JAM3: variants seen among roughly 807,000 people sequenced by gnomAD.
The protein encoded by JAM3 is junctional adhesion molecule C.
A neutral mutation model predicts 39.4 loss-of-function variants in JAM3; 31 were observed. The observed-to-expected ratio is 0.79, with a 90% CI of 0.59 to 1.06. The LOEUF is 1.06. Ranked by LOEUF, JAM3 falls within the 50% of genes least tolerant of loss-of-function variation. The pLI is 0.00. For synonymous variants in JAM3, 182 were observed against 148.7 expected (o/e 1.22, Z -1.63); for missense variants, 455 against 391.4 (o/e 1.16, Z -1.37).
intron 1 of JAM3, among the ~76,000 whole-genome samples, chr11:134,095,786 C>T (rs1399936989): frequency 1.3e-5 from 2 of 152,122 alleles, no homozygotes; most frequent in African/African-American, 2.4e-5. Context: ...ACTTTTTCGC[C>T]ATCTTAGGAA....
intron 1 of JAM3, among the ~76,000 whole-genome samples, chr11:134,083,235 TGG>T (rs1353178037): frequency 6.6e-6 from 1 of 152,220 alleles, no homozygotes; most frequent in Non-Finnish European, 1.5e-5. Context: ...TGAGATGAAT[TGG>T]GTGGAATTCC....
chr11:134,127,769 G>A (rs1942678859), intron 1 of JAM3, among the ~76,000 whole-genome samples: 1 of 152,180 alleles, frequency 6.6e-6, no homozygotes, highest in African/African-American at 2.4e-5. Flanking sequence ...TAACAAGTAG[G>A]CACAACAGAG....
intron 1 of JAM3, among the ~76,000 whole-genome samples, chr11:134,081,541 G>A (rs753860934): frequency 8.5e-5 from 13 of 152,330 alleles, no homozygotes; most frequent in Admixed American, 2.0e-4. Flanking sequence ...CAGCTTCCAC[G>A]TGGTGTTGAG....
intron 1 of JAM3, among the ~76,000 whole-genome samples, chr11:134,086,500 A>G (rs1941747628): frequency 6.6e-6 from 1 of 152,132 alleles, no homozygotes; most frequent in African/African-American, 2.4e-5. Context: ...AAAGTGGTTC[A>G]GTGATATTTG....
chr11:134,074,864 C>T (rs981223475), intron 1 of JAM3, among the ~76,000 whole-genome samples: 2 of 152,114 alleles, frequency 1.3e-5, no homozygotes, highest in African/African-American at 4.8e-5. Flanking sequence ...CCCATCACTT[C>T]TTCCTGCCCA....
At position 134,151,095 on chromosome 11, in the gene JAM3, G is replaced by GTAA; in HGVS notation, c.*1914_*1915insTAA. On this transcript the variant is annotated 3_prime_UTR_variant, in exon 9 of 9. Transcript: ENST00000299106. ...AAGTGCTGTAAAGCAAGGAGCTGCT[G>GTAA]AGAAGGAGCACTCCACTGTGTGCCT... 1 of 152,414 alleles carries GTAA rather than the reference G, an allele frequency of 6.6e-6. No homozygotes were observed. Among genetic ancestry groups the GTAA allele is most frequent in the East Asian group, 1.9e-4 (1 of 5,192 alleles). The allele number at this position is 152,414 out of a possible 1,614,324, so 9.4% of individuals were successfully genotyped here.
intron 1 of JAM3, among the ~76,000 whole-genome samples, chr11:134,069,864 A>G (rs1447670553): frequency 2.0e-5 from 3 of 152,246 alleles, no homozygotes; most frequent in African/African-American, 7.2e-5. Flanking sequence ...TTTTACAGAA[A>G]TAAAATGGAT....
intron 1 of JAM3, among the ~76,000 whole-genome samples, chr11:134,136,216 CCTCA>C (rs1942863442): frequency 6.6e-6 from 1 of 152,182 alleles, no homozygotes; most frequent in East Asian, 1.9e-4. Flanking sequence ...AAAACCCTTT[CCTCA>C]CTCTTAAATA....
intron 1 of JAM3, among the ~76,000 whole-genome samples, chr11:134,103,838 A>G (rs1317430108): frequency 6.6e-6 from 1 of 152,220 alleles, no homozygotes; most frequent in African/African-American, 2.4e-5. Flanking sequence ...CACTCAATAC[A>G]GGAGCACCCA....
In JAM3 at chr11:134,148,656, CAAT is replaced by C; in HGVS notation, c.825_827del (p.Asn275del). 4 of 1,614,040 alleles carry C rather than the reference CAAT, an allele frequency of 2.5e-6. No homozygotes were observed. The highest frequency in any genetic ancestry group is 3.4e-6 in the Non-Finnish European group (4 of 1,180,024). The stretch of plus-strand genomic sequence containing the variant: ...CATACAGACGTGGCTACTTCATCAA[CAAT>C]AAACAGGATGGAGAAAGGTGAGCCT... On this transcript the variant is annotated inframe_deletion, in exon 7 of 9. Coordinates refer to ENST00000299106, the MANE Select transcript of JAM3 (RefSeq NM_032801.5).
intron 1 of JAM3, chr11:134,123,853 C>G: frequency 1.2e-6 from 1 of 813,460 alleles, no homozygotes; most frequent in Non-Finnish European, 2.2e-6. Flanking sequence ...CCGTTGGTAT[C>G]TCTGAAGCGT....
intron 1 of JAM3, among the ~76,000 whole-genome samples, chr11:134,088,930 C>T (rs1218331082): frequency 6.6e-6 from 1 of 152,194 alleles, no homozygotes; most frequent in African/African-American, 2.4e-5. Context: ...GCTGGGACTA[C>T]AGGCACTTGC....
At chr11:134,088,133 G>C (rs1056567032) in intron 1 of JAM3, among the ~76,000 whole-genome samples, 8 of 152,154 alleles carry the variant, frequency 5.3e-5, no homozygotes, top group African/African-American at 1.7e-4. Context: ...CTGGGACCAG[G>C]ACTAGAACTC....
intron 1 of JAM3, among the ~76,000 whole-genome samples, chr11:134,125,166 C>A (rs561217330): frequency 1.7e-3 from 254 of 152,328 alleles, no homozygotes; most frequent in African/African-American, 5.8e-3. Context: ...ACAGCCCGGC[C>A]GATCGTGCCG....
chr11:134,143,085 G>GT (rs1194698581), intron 3 of JAM3, among the ~76,000 whole-genome samples: 1 of 152,172 alleles, frequency 6.6e-6, no homozygotes, highest in Non-Finnish European at 1.5e-5. Flanking sequence ...GTGAACCTAA[G>GT]TTTTCATTTC....
rs147506050 is a variant in JAM3 at position 134,114,774 on chromosome 11, A to G, written c.77-25077A>G. Among the ~76,000 whole-genome samples, 67 of 152,310 alleles carry G rather than the reference A, an allele frequency of 4.4e-4. No homozygotes were observed. In the East Asian group the frequency reaches 0.012, roughly 28 times the overall value. ...TGTTTTATGGCTCGGAATATGGTCT[A>G]CCTTGGTAAATGTCCCATTTGCACT... is the stretch of plus-strand genomic sequence containing the variant. On this transcript the variant is annotated intron_variant, in intron 1 of 8. Coordinates refer to ENST00000299106, the MANE Select transcript of JAM3 (RefSeq NM_032801.5).
At chr11:134,110,201 C>G (rs1424458085) in intron 1 of JAM3, among the ~76,000 whole-genome samples, 1 of 152,104 alleles carries the variant, frequency 6.6e-6, no homozygotes, top group Non-Finnish European at 1.5e-5. Flanking sequence ...ACAAGATTTC[C>G]CATCCATTGC....
intron 1 of JAM3, among the ~76,000 whole-genome samples, chr11:134,132,494 C>A (rs1460256739): frequency 6.6e-6 from 1 of 152,160 alleles, no homozygotes; most frequent in African/African-American, 2.4e-5. Context: ...ATATTAAGAT[C>A]TCCGATAAAG....
chr11:134,099,268 G>A (rs1037145906), intron 1 of JAM3, among the ~76,000 whole-genome samples: 1 of 152,122 alleles, frequency 6.6e-6, no homozygotes, highest in Non-Finnish European at 1.5e-5. Context: ...GTAAAATGAA[G>A]GTTTCAGGGA....
Sources: allele counts gnomAD v4.1 joint callset (sites outside exome capture counted in the v4.1 genomes callset), GRCh38; gene constraint gnomAD v4.1.1; transcripts MANE v1.5; gene names NCBI Gene and HGNC (gene_info 2026-07-23, HGNC 2026-07-21).